Variants in CASZ1 observed in about 807,000 individuals in gnomAD.
The protein encoded by CASZ1 is zinc finger protein castor homolog 1.
In CASZ1, 28 loss-of-function variants were observed where a neutral mutation model predicts 135.2. The observed-to-expected ratio is 0.21, with a 90% CI of 0.15 to 0.28. The LOEUF (loss-of-function observed/expected upper bound fraction) is 0.28. Among genes scored for constraint, CASZ1 ranks in the 10% least tolerant of loss-of-function variants. The pLI is 1.00. For missense variants in CASZ1, 2,161 were observed against 2,453.3 expected, an observed-to-expected ratio of 0.88 and a Z score of 2.52; for synonymous variants, 1,068 against 1,073.4, an observed-to-expected ratio of 0.99 and a Z score of 0.10.
intron 1 of CASZ1, among the ~76,000 whole-genome samples, chr1:10,782,468 C>T (rs577192740): frequency 1.3e-4 from 20 of 152,342 alleles, no homozygotes; most frequent in African/African-American, 4.1e-4. Flanking sequence ...AGGTTGGACA[C>T]GGGGAGGACA....
chr1:10,741,055 C>T lies in CASZ1; in HGVS notation c.-77+19646G>A, dbSNP rs535795355. Among the ~76,000 whole-genome samples, 1 of 150,062 alleles carries T rather than the reference C, an allele frequency of 6.7e-6. No homozygotes were observed. Among genetic ancestry groups the T allele is most frequent in the African/African-American group, 2.5e-5 (1 of 40,776 alleles). On this transcript the variant is annotated intron_variant, in intron 2 of 20. Transcript: ENST00000377022. The surrounding 1 kb of genome is among the most constrained non-coding windows in gnomAD (Gnocchi z 5.0). ...TTGCCTAGGCTGGAGAGCAATGGCA[C>T]AATCTCAGCTCATTGCAACCTCCGT...
At chr1:10,642,753 C>T in intron 20 of CASZ1, 106 bp downstream of exon 20, 1 of 1,313,972 alleles carries the variant, frequency 7.6e-7, no homozygotes, top group African/African-American at 1.5e-5. Context: ...AGCCTGTCCT[C>T]CTCGGAGGCC....
chr1:10,783,887 A>AC (rs1640808313), intron 1 of CASZ1, among the ~76,000 whole-genome samples: 3 of 151,610 alleles, frequency 2.0e-5, no homozygotes, highest in South Asian at 2.1e-4. Context: ...AAAAAAAAAA[A>AC]AAAAAACCTA....
intron 3 of CASZ1, among the ~76,000 whole-genome samples, chr1:10,696,401 C>T (rs761568055): frequency 3.9e-5 from 6 of 152,224 alleles, no homozygotes; most frequent in Non-Finnish European, 7.3e-5. Context: ...AACAGAACTA[C>T]CCCAAGTCTA....
At position 10,792,161 on chromosome 1, in the gene CASZ1, GAA is replaced by G. The variant is rs35822672; in HGVS notation, c.-234+4401_-234+4402del. Among the ~76,000 whole-genome samples the G allele has an allele frequency of 4.6e-3, 534 of 115,132 alleles. 9 individuals are homozygous for G. The highest frequency in any genetic ancestry group is 0.015 in the African/African-American group (491 of 33,410). The allele number at this position is 115,132 out of a possible 152,430, so 75.5% of individuals were successfully genotyped here. On this transcript the variant is annotated intron_variant, in intron 1 of 20. Coordinates refer to ENST00000377022, the MANE Select transcript of CASZ1 (RefSeq NM_001079843.3). ...AGAGAACCAGGGTGGCAGAAAGAAA[GAA>G]AAAAAAAAAAACTCAAGTATTGCCT... is the stretch of plus-strand genomic sequence containing the variant.
At position 10,694,777 on chromosome 1, in the gene CASZ1, GGGA is replaced by G. The variant is rs964197579; in HGVS notation, c.-23-868_-23-866del. 7.9e-4 allele frequency among the ~76,000 whole-genome samples: 115 copies of G among 145,192 alleles called. No individual in the cohort carries two copies. The East Asian group carries it at 9.5e-3, about 12-fold the overall frequency. ...TGCGATTCCCCAAACCTCTGGCTCC[GGGA>G]GGAGGAGGCGGGGACTTGCGCTCAG... is the stretch of plus-strand genomic sequence containing the variant. On this transcript the variant is annotated intron_variant, in intron 3 of 20. Transcript: ENST00000377022. The surrounding 1 kb of genome is among the most constrained non-coding windows in gnomAD (Gnocchi z 6.6).
At chr1:10,664,449 G>C (rs991738883) in intron 5 of CASZ1, among the ~76,000 whole-genome samples, 1 of 152,126 alleles carries the variant, frequency 6.6e-6, no homozygotes, top group African/African-American at 2.4e-5. Context: ...AGAGAGGTCA[G>C]CCAGGGGACC....
At position 10,754,466 on chromosome 1, in the gene CASZ1, C is replaced by T. The variant is rs144825063; in HGVS notation, c.-77+6235G>A. ...GACCACCACCTCTTCCGGCTCTGAA[C>T]CCCTGAGGCTGAGCCCTGGCCCAAC... On this transcript the variant is annotated intron_variant, in intron 2 of 20. Coordinates refer to ENST00000377022, the MANE Select transcript of CASZ1 (RefSeq NM_001079843.3). Among the ~76,000 whole-genome samples, 289 of 152,314 alleles carry T rather than the reference C, an allele frequency of 1.9e-3. 1 individual carries two copies. Among genetic ancestry groups the T allele is most frequent in the Non-Finnish European group, 3.5e-3 (236 of 68,022 alleles).
At chr1:10,670,870 T>C (rs2100317196) in intron 4 of CASZ1, among the ~76,000 whole-genome samples, 1 of 150,698 alleles carries the variant, frequency 6.6e-6, no homozygotes, top group East Asian at 2.0e-4. Context: ...CTCCATCCCC[T>C]CCGAGAAGGG....
chr1:10,745,565 G>A (rs901871364), intron 2 of CASZ1, among the ~76,000 whole-genome samples: 6 of 152,214 alleles, frequency 3.9e-5, no homozygotes, highest in South Asian at 2.1e-4. Flanking sequence ...TGGGTTGAAC[G>A]TCCTGCTGTC....
At chr1:10,675,243 T>A (rs1209849177) in intron 4 of CASZ1, among the ~76,000 whole-genome samples, 1 of 152,070 alleles carries the variant, frequency 6.6e-6, no homozygotes, top group Non-Finnish European at 1.5e-5. Flanking sequence ...GCACACAGGG[T>A]TTTTGGCAGT....
In CASZ1 at chr1:10,752,810, T is replaced by C. The variant is rs868807917; in HGVS notation, c.-77+7891A>G. On this transcript the variant is annotated intron_variant, in intron 2 of 20. Transcript: ENST00000377022. ...CAGCACTTTGGGAGGCCAAGGTGGG[T>C]GGATCACCTGAGGTCAGGAGTTCGA... Among the ~76,000 whole-genome samples the C allele has an allele frequency of 2.6e-5, 4 of 152,250 alleles. No homozygotes were observed. The East Asian group carries it at 7.7e-4, about 29-fold the overall frequency.
intron 8 of CASZ1, 78 bp from the exon 9 acceptor site, chr1:10,655,891 G>A (rs992637969): frequency 1.6e-5 from 23 of 1,477,710 alleles, no homozygotes; most frequent in Non-Finnish European, 2.2e-5. Context: ...AGAGCACCTG[G>A]GCCAGGTGCT....
chr1:10,717,700 C>T lies in CASZ1; in HGVS notation c.-76-12156G>A, dbSNP rs1007881616. ...GGAGGTAGAAAACCCTTGCCAATTC[C>T]CCCCCAACTGATGTCAGAGCTGCCG... is the stretch of plus-strand genomic sequence containing the variant. On this transcript the variant is annotated intron_variant, in intron 2 of 20. Transcript: ENST00000377022. The surrounding 1 kb of genome is among the most constrained non-coding windows in gnomAD (Gnocchi z 4.6). Among the ~76,000 whole-genome samples the T allele has an allele frequency of 7.2e-5, 11 of 152,080 alleles. No homozygotes were observed. Among genetic ancestry groups the T allele is most frequent in the Admixed American group, 6.5e-4 (10 of 15,276 alleles).
chr1:10,696,644 C>T (rs1395294097), intron 3 of CASZ1, among the ~76,000 whole-genome samples: 1 of 152,250 alleles, frequency 6.6e-6, no homozygotes, highest in Non-Finnish European at 1.5e-5. Context: ...TGAGCCTCTG[C>T]TCTCCTATCT....
In CASZ1 at chr1:10,755,614, G is replaced by GT. The variant is rs199879351; in HGVS notation, c.-77+5086_-77+5087insA. Among the ~76,000 whole-genome samples the GT allele has an allele frequency of 1.3e-5, 2 of 151,828 alleles. No individual in the cohort carries two copies. The highest frequency in any genetic ancestry group is 2.9e-5 in the Non-Finnish European group (2 of 67,846). On this transcript the variant is annotated intron_variant, in intron 2 of 20. Coordinates refer to ENST00000377022, the MANE Select transcript of CASZ1 (RefSeq NM_001079843.3). The surrounding 1 kb of genome is among the most constrained non-coding windows in gnomAD (Gnocchi z 4.3). ...GGGGCCCGTGCATGGCGAGATGCGG[G>GT]GTTTTCCTGCATCTGCTCCGAAGGC...
rs1418062395 is a variant in CASZ1, at chr1:10,682,558, AG to A, written c.16+11315del. Among the ~76,000 whole-genome samples, 5 of 152,322 alleles carry A rather than the reference AG, an allele frequency of 3.3e-5. No individual in the cohort carries two copies. The East Asian group carries it at 9.7e-4, about 29-fold the overall frequency. On this transcript the variant is annotated intron_variant, in intron 4 of 20. Coordinates refer to ENST00000377022, the MANE Select transcript of CASZ1 (RefSeq NM_001079843.3). ...CTCTCAGTGCATAACACAAAATGTC[AG>A]GGTTTATAGCTTCATTCTTGGCTTT...
intron 4 of CASZ1, among the ~76,000 whole-genome samples, chr1:10,685,978 TC>T (rs1638574341): frequency 6.6e-6 from 1 of 152,080 alleles, no homozygotes; most frequent in African/African-American, 2.4e-5. Context: ...TGCTGGCCTG[TC>T]CCCCAGCCAG....
intron 4 of CASZ1, 92 bp downstream of exon 4, chr1:10,693,782 G>A (rs1638841372): frequency 1.5e-5 from 7 of 473,318 alleles, no homozygotes; most frequent in South Asian, 9.4e-5. Flanking sequence ...ACCCGGCCCC[G>A]CCGCCACCTC....
Sources: allele counts gnomAD v4.1 joint callset (sites outside exome capture counted in the v4.1 genomes callset), GRCh38; gene constraint gnomAD v4.1.1; non-coding constraint Gnocchi (gnomAD v3.1); transcripts MANE v1.5; gene names NCBI Gene and HGNC (gene_info 2026-07-23, HGNC 2026-07-21).